GPC3: variants seen among roughly 807,000 people sequenced by gnomAD.
GPC3 encodes the protein glypican 3, also known as glypican-3.
Under a neutral mutation model 34.4 loss-of-function variants are expected in GPC3, and 3 were observed. The ratio of observed to expected loss-of-function variants is 0.09; its 90% confidence interval spans 0.04 to 0.23. The LOEUF (loss-of-function observed/expected upper bound fraction) is 0.23, where lower values mean the gene tolerates loss of function less well. Ranked by LOEUF, GPC3 falls within the 10% of genes least tolerant of loss-of-function variation. The probability of loss-of-function intolerance (pLI) is 1.00; values close to 1 mark genes in which losing one functional copy is unlikely to be tolerated. For missense variants in GPC3, 351 were observed against 445.6 expected (o/e 0.79, Z 1.91); for synonymous variants, 177 against 174.0 (o/e 1.02, Z -0.13).
chrX:133,915,122 A>G (rs2076218466), intron 2 of GPC3, among the ~76,000 whole-genome samples: 1 of 108,679 alleles, frequency 9.2e-6, no homozygotes, highest in Non-Finnish European at 1.9e-5. Flanking sequence ...TGGATGTACC[A>G]TGATTGATTA....
At chrX:133,950,494 C>T (rs750538555) in intron 2 of GPC3, among the ~76,000 whole-genome samples, 167 of 112,114 alleles carry the variant, frequency 1.5e-3, no homozygotes, top group Non-Finnish European at 2.7e-3. Context: ...TCAAGATGAG[C>T]TTTCTTCAAC....
chrX:133,699,828 G>C, intron 4 of GPC3, 67 bp downstream of exon 4: 1 of 917,856 alleles, frequency 1.1e-6, no homozygotes, highest in Non-Finnish European at 1.5e-6. Context: ...TTTCACTCTA[G>C]TGGTTTTTGA....
At chrX:133,745,366 T>TC (rs982152360) in intron 3 of GPC3, among the ~76,000 whole-genome samples, 2 of 111,996 alleles carry the variant, frequency 1.8e-5, no homozygotes, top group African/African-American at 6.5e-5. Flanking sequence ...TCACAATGCT[T>TC]CACCCTAGAA....
chrX:133,795,019 G>C (rs1056419473), intron 2 of GPC3, among the ~76,000 whole-genome samples: 2 of 111,854 alleles, frequency 1.8e-5, no homozygotes, highest in African/African-American at 3.3e-5. Flanking sequence ...ATTTACCTTA[G>C]AGCCTGACAC....
At chrX:133,922,929 CT>C (rs1300821152) in intron 2 of GPC3, among the ~76,000 whole-genome samples, 1 of 111,396 alleles carries the variant, frequency 9.0e-6, no homozygotes, top group African/African-American at 3.3e-5. Flanking sequence ...GAGGTAGAGT[CT>C]TCTATTAGCC....
chrX:133,857,373 T>A (rs1179117901), intron 2 of GPC3, among the ~76,000 whole-genome samples: 1 of 112,569 alleles, frequency 8.9e-6, no homozygotes, highest in East Asian at 2.8e-4. Flanking sequence ...TTTAAAATTA[T>A]TGTTCTTTGG....
intron 4 of GPC3, among the ~76,000 whole-genome samples, chrX:133,693,927 C>T (rs756525579): frequency 1.0e-4 from 11 of 110,309 alleles, no homozygotes; most frequent in African/African-American, 1.3e-4. Flanking sequence ...ACCAGGAGAG[C>T]GGTTGTTATA....
At chrX:133,855,446 A>G (rs781408672) in intron 2 of GPC3, among the ~76,000 whole-genome samples, 98 of 109,111 alleles carry the variant, frequency 9.0e-4, no homozygotes, top group Non-Finnish European at 1.5e-3. Flanking sequence ...GACTACAGGC[A>G]TGAGCTACTG....
intron 2 of GPC3, among the ~76,000 whole-genome samples, chrX:133,892,708 A>T (rs2076093628): frequency 9.1e-6 from 1 of 110,434 alleles, no homozygotes; most frequent in South Asian, 4.0e-4. Flanking sequence ...AGGGGGGTAG[A>T]TATACTTCGG....
intron 1 of GPC3, among the ~76,000 whole-genome samples, chrX:133,959,030 A>C (rs1260654211): frequency 8.9e-6 from 1 of 112,051 alleles, no homozygotes; most frequent in African/African-American, 3.2e-5. Flanking sequence ...AAAAGGGGAT[A>C]TTTGAGCTAT....
chrX:133,671,355 A>G lies in GPC3; in HGVS notation c.1293-9505T>C. 3 of 595,027 alleles carry G rather than the reference A, an allele frequency of 5.0e-6. No individual in the cohort carries two copies. In the East Asian group the frequency reaches 9.7e-5, roughly 19 times the overall value. 49.0% of individuals were successfully genotyped at this position (595,027 alleles called of 1,213,427 possible). A position where few individuals can be genotyped will look rare whatever the true frequency, so the allele number is the denominator to read the frequency against. ...AAAGTCAGGGGGACCGCAAAGGCCAATGTTGGTGCTGGCAAAAAGTCGAAG... is the reference window on the plus strand; with the variant it reads ...AAAGTCAGGGGGACCGCAAAGGCCAGTGTTGGTGCTGGCAAAAAGTCGAAG... On this transcript the variant is annotated intron_variant, in intron 5 of 7. Coordinates refer to ENST00000370818, the MANE Select transcript of GPC3 (RefSeq NM_004484.4).
chrX:133,806,848 C>T (rs2075638881), intron 2 of GPC3, among the ~76,000 whole-genome samples: 1 of 110,101 alleles, frequency 9.1e-6, no homozygotes, highest in Non-Finnish European at 1.9e-5. Flanking sequence ...CGGGGTTTCA[C>T]CGCGTTAGCC....
chrX:133,676,689 G>A (rs934523379), intron 5 of GPC3, among the ~76,000 whole-genome samples: 3 of 112,106 alleles, frequency 2.7e-5, no homozygotes, highest in Non-Finnish European at 5.6e-5. Flanking sequence ...TGATCATAAA[G>A]TAGATGGGAT....
intron 3 of GPC3, among the ~76,000 whole-genome samples, chrX:133,751,303 G>A (rs899492466): frequency 9.0e-6 from 1 of 110,737 alleles, no homozygotes; most frequent in Non-Finnish European, 1.9e-5. Flanking sequence ...CACACAGTGG[G>A]CTCTCAATCA....
intron 2 of GPC3, among the ~76,000 whole-genome samples, chrX:133,826,730 C>A (rs753194120): frequency 9.0e-6 from 1 of 111,588 alleles, no homozygotes; most frequent in African/African-American, 3.3e-5. Flanking sequence ...AAGATATCCA[C>A]ACCTAGACAC....
At chrX:133,613,428 A>G (rs2070130064) in intron 6 of GPC3, among the ~76,000 whole-genome samples, 1 of 112,245 alleles carries the variant, frequency 8.9e-6, no homozygotes, top group African/African-American at 3.2e-5. Context: ...GGCTAAATGT[A>G]AAAGACAGAG....
intron 3 of GPC3, among the ~76,000 whole-genome samples, chrX:133,727,712 ATC>A (rs1267425256): frequency 8.9e-6 from 1 of 111,787 alleles, no homozygotes; most frequent in Non-Finnish European, 1.9e-5. Flanking sequence ...GGACTAAATA[ATC>A]TCTAAGGATC....
chrX:133,621,153 A>C (rs181571892), intron 6 of GPC3, among the ~76,000 whole-genome samples: 9 of 111,361 alleles, frequency 8.1e-5, no homozygotes, highest in African/African-American at 1.6e-4. Context: ...GCACAAGAAG[A>C]AGCACTGGGA....
At chrX:133,613,912 A>AT (rs1458926894) in intron 6 of GPC3, among the ~76,000 whole-genome samples, 18 of 112,584 alleles carry the variant, frequency 1.6e-4, no homozygotes, top group African/African-American at 5.8e-4. Flanking sequence ...ACTAACAGAG[A>AT]TAAAAATTAT....
Sources: allele counts gnomAD v4.1 joint callset (sites outside exome capture counted in the v4.1 genomes callset), GRCh38; gene constraint gnomAD v4.1.1; transcripts MANE v1.5; gene names NCBI Gene and HGNC (gene_info 2026-07-23, HGNC 2026-07-21).